PLBD1: variants seen among roughly 807,000 people sequenced by gnomAD.
PLBD1 encodes lysosomal leucine aminopeptidase.
PLBD1 carries 60 observed loss-of-function variants against 63.0 expected under a neutral mutation model. That is an observed-to-expected ratio of 0.95 (90% confidence interval 0.77 to 1.18). PLBD1 has a LOEUF of 1.18. Among genes scored for constraint, PLBD1 ranks in the 50% most tolerant of loss-of-function variants. The probability of loss-of-function intolerance (pLI) is 0.00; values close to 1 mark genes in which losing one functional copy is unlikely to be tolerated. For synonymous variants in PLBD1, 262 were observed against 248.0 expected, an observed-to-expected ratio of 1.06 and a Z score of -0.53; for missense variants, 598 against 677.9, an observed-to-expected ratio of 0.88 and a Z score of 1.31.
intron 1 of PLBD1, among the ~76,000 whole-genome samples, chr12:14,561,334 A>T (rs772218593): frequency 6.6e-6 from 1 of 151,976 alleles, no homozygotes; most frequent in Non-Finnish European, 1.5e-5. Context: ...GTTCTTGCCA[A>T]AAGCCCTATC....
intron 1 of PLBD1, among the ~76,000 whole-genome samples, chr12:14,557,023 G>A (rs560804874): frequency 2.9e-5 from 4 of 138,080 alleles, no homozygotes; most frequent in East Asian, 2.2e-4. Context: ...TGTCTGTCAC[G>A]CTTTTCAAAA....
chr12:14,538,700 T>C (rs568040784), intron 4 of PLBD1, among the ~76,000 whole-genome samples: 1 of 152,302 alleles, frequency 6.6e-6, no homozygotes, highest in Admixed American at 6.5e-5. Flanking sequence ...TTAATAGATA[T>C]TGCCAAATTG....
chr12:14,525,244 A>G (rs954703560), intron 6 of PLBD1, among the ~76,000 whole-genome samples: 1 of 152,204 alleles, frequency 6.6e-6, no homozygotes, highest in African/African-American at 2.4e-5. Flanking sequence ...CCTGGGCAAC[A>G]ATAGTGAAAC....
At chr12:14,562,568 T>C (rs1319620410) in intron 1 of PLBD1, among the ~76,000 whole-genome samples, 1 of 152,148 alleles carries the variant, frequency 6.6e-6, no homozygotes, top group Non-Finnish European at 1.5e-5. Flanking sequence ...TACCTCTATT[T>C]CATTTTTTAC....
Position 14,503,720 on chromosome 12 carries a change from A to T in PLBD1, c.*52T>A. 6.8e-7 allele frequency: 1 copy of T among 1,468,494 alleles called. No homozygotes were observed. The highest frequency in any genetic ancestry group is 9.4e-7 in the Non-Finnish European group (1 of 1,064,998). The allele number at this position is 1,468,494 out of a possible 1,614,324, so 91.0% of individuals were successfully genotyped here. On this transcript the variant is annotated 3_prime_UTR_variant, in exon 11 of 11. Coordinates refer to ENST00000240617, the MANE Select transcript of PLBD1 (RefSeq NM_024829.6). Reference sequence around the variant, plus strand: ...TTCTGATGGGAAAAACATAGCTAAAATAGTGCCTTTGGTATCTTATTTACA... The same window carrying T: ...TTCTGATGGGAAAAACATAGCTAAATTAGTGCCTTTGGTATCTTATTTACA...
intron 6 of PLBD1, among the ~76,000 whole-genome samples, chr12:14,517,007 C>G (rs745379287): frequency 3.7e-4 from 56 of 152,250 alleles, no homozygotes; most frequent in Non-Finnish European, 4.0e-4. Context: ...CCATTCCACT[C>G]CAGCATGGGC....
At chr12:14,560,859 T>G (rs7134154) in intron 1 of PLBD1, among the ~76,000 whole-genome samples, 63 of 151,924 alleles carry the variant, frequency 4.1e-4, no homozygotes, top group African/African-American at 1.4e-3. Flanking sequence ...TGGTTTCCAC[T>G]GTGGACACAG....
chr12:14,559,643 T>G (rs1945731140), intron 1 of PLBD1, among the ~76,000 whole-genome samples: 2 of 152,306 alleles, frequency 1.3e-5, no homozygotes, highest in Middle Eastern at 6.8e-3. Context: ...AAGTCAGAAT[T>G]CAAACATTTT....
chr12:14,514,068 C>T (rs565151497), intron 6 of PLBD1, among the ~76,000 whole-genome samples: 4 of 152,270 alleles, frequency 2.6e-5, no homozygotes, highest in East Asian at 1.9e-4. Flanking sequence ...CGTGAGCCAC[C>T]GTGCCCGGCC....
chr12:14,508,861 CAG>C (rs560287052), intron 8 of PLBD1, among the ~76,000 whole-genome samples: 24 of 152,194 alleles, frequency 1.6e-4, no homozygotes, highest in Middle Eastern at 3.4e-3. Flanking sequence ...ACAGAAGAAA[CAG>C]AGTTTCAGAG....
intron 6 of PLBD1, among the ~76,000 whole-genome samples, chr12:14,516,774 T>C (rs1945340257): frequency 6.6e-6 from 1 of 152,016 alleles, no homozygotes; most frequent in Admixed American, 6.6e-5. Flanking sequence ...CAAGGTGGCT[T>C]ATGCCTGTAA....
intron 2 of PLBD1, among the ~76,000 whole-genome samples, chr12:14,551,042 A>AAAAT (rs755975736): frequency 1.8e-4 from 27 of 151,798 alleles, no homozygotes; most frequent in South Asian, 8.4e-4. Flanking sequence ...ACCCTGTCTT[A>AAAAT]AAATAAATAA....
intron 8 of PLBD1, 133 bp from the exon 9 acceptor site, chr12:14,507,251 G>T: frequency 1.4e-6 from 1 of 692,110 alleles, no homozygotes. Flanking sequence ...ACAAAATAAT[G>T]TACAGAAAAT....
intron 6 of PLBD1, among the ~76,000 whole-genome samples, chr12:14,513,786 T>G (rs1324387603): frequency 2.0e-5 from 3 of 151,888 alleles, no homozygotes; most frequent in Non-Finnish European, 4.4e-5. Context: ...CTTAGTTTTT[T>G]TTTTTTTTTT....
intron 6 of PLBD1, among the ~76,000 whole-genome samples, chr12:14,512,672 G>T (rs1945307227): frequency 6.6e-6 from 1 of 152,200 alleles, no homozygotes; most frequent in African/African-American, 2.4e-5. Flanking sequence ...AATAAAAAGA[G>T]AGGATATACT....
At chr12:14,535,046 A>G (rs1254459420) in intron 6 of PLBD1, among the ~76,000 whole-genome samples, 2 of 152,178 alleles carry the variant, frequency 1.3e-5, no homozygotes, top group Non-Finnish European at 1.5e-5. Context: ...TTTCCCCAAC[A>G]ATCAGATGTG....
intron 6 of PLBD1, among the ~76,000 whole-genome samples, chr12:14,534,544 T>C (rs1031023363): frequency 1.6e-5 from 2 of 124,100 alleles, no homozygotes; most frequent in South Asian, 2.3e-4. Flanking sequence ...TTTTCTTTTC[T>C]TTTTTTTTTT....
chr12:14,535,772 G>A lies in PLBD1; in HGVS notation c.731C>T (p.Ala244Val), dbSNP rs374654534. Reference sequence around the variant, plus strand: ...TGCATACGTGTACCAGCTTGAGTGAGCAAAAAGGATGTTCTCAAATCCAGG... The same window carrying A: ...TGCATACGTGTACCAGCTTGAGTGAACAAAAAGGATGTTCTCAAATCCAGG... ...VLPGFENILFAHSSWYTYAAM... is the reference protein window; with the variant it reads ...VLPGFENILFVHSSWYTYAAM... The change falls in exon 6 of 11, where the codon GCT becomes GTT. Residue 244 changes from alanine to valine, a missense_variant. Transcript: ENST00000240617. 1 of 1,613,398 alleles carries A rather than the reference G, an allele frequency of 6.2e-7. No individual in the cohort carries two copies. Among genetic ancestry groups the A allele is most frequent in the Non-Finnish European group, 8.5e-7 (1 of 1,179,800 alleles).
chr12:14,567,190 T>C (rs556711857), intron 1 of PLBD1, among the ~76,000 whole-genome samples: 1 of 152,294 alleles, frequency 6.6e-6, no homozygotes, highest in Admixed American at 6.5e-5. Flanking sequence ...AAAGTCAATG[T>C]AAATTTTTAA....
Sources: gnomAD v4.1 joint callset for allele counts (sites outside exome capture counted in the v4.1 genomes callset) on GRCh38, gnomAD v4.1.1 for gene constraint, MANE v1.5 for transcripts, NCBI Gene and HGNC (gene_info 2026-07-23, HGNC 2026-07-21) for gene names.